PPP1R12A: variants seen among roughly 807,000 people sequenced by gnomAD.
PPP1R12A encodes protein phosphatase 1 regulatory subunit 12A.
PPP1R12A carries 19 observed loss-of-function variants against 139.6 expected under a neutral mutation model. That is an observed-to-expected ratio of 0.14 (90% CI 0.09 to 0.20). PPP1R12A has a LOEUF of 0.20. PPP1R12A is among the 10% of genes least tolerant of loss of function. PPP1R12A has a pLI of 1.00. For missense variants in PPP1R12A, 925 were observed against 1,211.5 expected (o/e 0.76, Z 3.51); for synonymous variants, 427 against 420.6 (o/e 1.02, Z -0.19).
chr12:79,774,732 A>T lies in PPP1R12A; in HGVS notation c.*1197T>A, dbSNP rs546691168. 83 of 152,622 alleles carry T rather than the reference A, an allele frequency of 5.4e-4. 1 individual carries two copies. Among genetic ancestry groups the T allele is most frequent in the African/African-American group, 1.8e-3 (74 of 41,534 alleles). The allele number at this position is 152,622 out of a possible 1,614,324, so 9.5% of individuals were successfully genotyped here. ...TCACATGGCAATAACAGTGCATTTA[A>T]CATTAACTCACGGGTTAATTCTGCA... On this transcript the variant is annotated 3_prime_UTR_variant, in exon 25 of 25. Coordinates refer to ENST00000450142, the MANE Select transcript of PPP1R12A (RefSeq NM_002480.3).
chr12:79,935,209 G>C (rs1565825878), upstream of PPP1R12A: 9 of 1,303,190 alleles, frequency 6.9e-6, no homozygotes, highest in Non-Finnish European at 8.8e-6. Flanking sequence ...GCGAGATCCG[G>C]ACTGGGAGGC....
intron 2 of PPP1R12A, among the ~76,000 whole-genome samples, chr12:79,848,517 C>T (rs761905283): frequency 2.0e-5 from 3 of 152,004 alleles, no homozygotes; most frequent in African/African-American, 7.3e-5. Context: ...AAGCCAAATA[C>T]GGACAATACA....
chr12:79,913,609 G>A lies in PPP1R12A; in HGVS notation c.237+21086C>T, dbSNP rs182719603. 1.1e-3 allele frequency among the ~76,000 whole-genome samples: 164 copies of A among 152,162 alleles called. 1 individual carries two copies. Among genetic ancestry groups the A allele is most frequent in the African/African-American group, 3.0e-3 (125 of 41,530 alleles). On this transcript the variant is annotated intron_variant, in intron 1 of 24. Transcript: ENST00000450142. ...ATAAGTCTTAATGTCCATCAGAGTC[G>A]GTCAGTCCTCTCACTTTCTTGTTCC...
chr12:79,903,288 T>C (rs900714090), intron 1 of PPP1R12A, among the ~76,000 whole-genome samples: 1 of 152,028 alleles, frequency 6.6e-6, no homozygotes, highest in East Asian at 1.9e-4. Context: ...CCATCTCTAC[T>C]AAAAATACAA....
rs771158053 is a variant in PPP1R12A, at chr12:79,807,242, A to T, written c.1639T>A (p.Ser547Thr). The T allele has an allele frequency of 1.6e-5, 25 of 1,530,278 alleles. No individual in the cohort carries two copies. Among genetic ancestry groups the T allele is most frequent in the Non-Finnish European group, 2.0e-5 (23 of 1,128,990 alleles). The allele number at this position is 1,530,278 out of a possible 1,614,324, so 94.8% of individuals were successfully genotyped here. Residue 547 changes from serine to threonine, a missense_variant, in exon 12 of 25, where the codon TCA (serine) becomes ACA (threonine). Physicochemically the swap from Ser to Thr is moderately conservative, Grantham distance 58. Transcript: ENST00000450142. ...TATTATTACCTTTTATGATACGTTG[A>T]TCCTTCATTAACTGAGCTATTTTTT... The part of the protein sequence containing the change: ...LKKNSSVNEG[S>T]TYHKSCSFGR...
chr12:79,793,207 C>T (rs544477387), intron 19 of PPP1R12A, among the ~76,000 whole-genome samples: 1 of 152,294 alleles, frequency 6.6e-6, no homozygotes, highest in African/African-American at 2.4e-5. Context: ...TAGCTTTCTA[C>T]ACAGCCAAAC....
chr12:79,921,810 C>T (rs1320485092), intron 1 of PPP1R12A, among the ~76,000 whole-genome samples: 1 of 152,128 alleles, frequency 6.6e-6, no homozygotes, highest in Admixed American at 6.5e-5. Context: ...TTAATAACTT[C>T]AAAATTTTCA....
chr12:79,777,224 ATATTT>A, intron 24 of PPP1R12A: 1 of 933,712 alleles, frequency 1.1e-6, no homozygotes. Flanking sequence ...AATAATAGTC[ATATTT>A]TAAGTCCTAA....
chr12:79,935,213 G>A (rs961388097), upstream of PPP1R12A: 131 of 1,294,964 alleles, frequency 1.0e-4, no homozygotes, highest in Non-Finnish European at 1.2e-4. Flanking sequence ...GATCCGGACT[G>A]GGAGGCGCCC....
chr12:79,905,591 T>TTA (rs1267409730), intron 1 of PPP1R12A, among the ~76,000 whole-genome samples: 1 of 152,158 alleles, frequency 6.6e-6, no homozygotes, highest in African/African-American at 2.4e-5. Flanking sequence ...TTAAGGCTAC[T>TTA]TATATATATA....
chr12:79,917,862 A>G (rs1246731242), intron 1 of PPP1R12A, among the ~76,000 whole-genome samples: 2 of 152,310 alleles, frequency 1.3e-5, no homozygotes, highest in East Asian at 1.9e-4. Flanking sequence ...TCACTATACA[A>G]TTAGAAAAAT....
chr12:79,785,529 G>C (rs1871006889), intron 22 of PPP1R12A, among the ~76,000 whole-genome samples: 1 of 152,048 alleles, frequency 6.6e-6, no homozygotes, highest in African/African-American at 2.4e-5. Flanking sequence ...TCACAGATCT[G>C]GATATGCTGT....
chr12:79,887,989 T>C (rs953610606), intron 1 of PPP1R12A, among the ~76,000 whole-genome samples: 5 of 152,146 alleles, frequency 3.3e-5, no homozygotes, highest in African/African-American at 4.8e-5. Context: ...TTAATACACA[T>C]AGTTGTTAAC....
chr12:79,800,123 A>C (rs930273379), intron 14 of PPP1R12A, among the ~76,000 whole-genome samples: 3 of 152,222 alleles, frequency 2.0e-5, no homozygotes, highest in Non-Finnish European at 4.4e-5. Flanking sequence ...TTAACGCTTC[A>C]TCAAATTACA....
intron 1 of PPP1R12A, among the ~76,000 whole-genome samples, chr12:79,925,644 C>T (rs571951423): frequency 4.3e-4 from 66 of 152,248 alleles, no homozygotes; most frequent in African/African-American, 1.6e-3. Flanking sequence ...AATGCCTATA[C>T]AACACATGAC....
chr12:79,902,259 C>T (rs1885712289), intron 1 of PPP1R12A, among the ~76,000 whole-genome samples: 1 of 152,148 alleles, frequency 6.6e-6, no homozygotes, highest in African/African-American at 2.4e-5. Context: ...CTCTAAGCCT[C>T]AAGTGTTACT....
Position 79,853,568 on chromosome 12 carries a change from T to C in PPP1R12A, c.369-8148A>G, listed in dbSNP as rs140810458. ...GTGAAATGGGTCACCTAGATTGTCATTTATAAAAGATAAATTCACAATCAG... is the reference window on the plus strand; with the variant it reads ...GTGAAATGGGTCACCTAGATTGTCACTTATAAAAGATAAATTCACAATCAG... On this transcript the variant is annotated intron_variant, in intron 2 of 24. Coordinates refer to ENST00000450142, the MANE Select transcript of PPP1R12A (RefSeq NM_002480.3). Among the ~76,000 whole-genome samples, 13 of 152,348 alleles carry C rather than the reference T, an allele frequency of 8.5e-5. No individual in the cohort carries two copies. In the East Asian group the frequency reaches 2.5e-3, roughly 29 times the overall value.
intron 14 of PPP1R12A, among the ~76,000 whole-genome samples, chr12:79,799,071 T>G (rs1872787557): frequency 6.6e-6 from 1 of 151,910 alleles, no homozygotes; most frequent in Admixed American, 6.6e-5. Context: ...CTAAAAGGGG[T>G]TTTAAATTAT....
At chr12:79,822,318 A>C in intron 5 of PPP1R12A, 128 bp from the exon 6 acceptor site, 1 of 610,220 alleles carries the variant, frequency 1.6e-6, no homozygotes, top group Non-Finnish European at 2.8e-6. Context: ...TGATACAATA[A>C]CTACTGTAAA....
Sources: allele counts gnomAD v4.1 joint callset (sites outside exome capture counted in the v4.1 genomes callset), GRCh38; gene constraint gnomAD v4.1.1; transcripts MANE v1.5; gene names NCBI Gene and HGNC (gene_info 2026-07-23, HGNC 2026-07-21).